The following AGBL4 variants were observed in gnomAD, a reference collection of about 807,000 sequenced individuals.
AGBL4 encodes the protein AGBL carboxypeptidase 4.
AGBL4 carries 58 observed loss-of-function variants against 66.4 expected under a neutral mutation model. The ratio of observed to expected loss-of-function variants is 0.87; its 90% CI spans 0.71 to 1.09. AGBL4 has a LOEUF of 1.09. AGBL4 is among the 50% of genes least tolerant of loss of function. The pLI, the probability that AGBL4 is intolerant of heterozygous loss-of-function variation, is 0.00. For missense variants in AGBL4, 579 were observed against 631.0 expected (o/e 0.92, Z 0.88); for synonymous variants, 234 against 222.9 (o/e 1.05, Z -0.44).
chr1:49,680,742 T>C (rs1008854975), intron 3 of AGBL4, among the ~76,000 whole-genome samples: 1 of 152,076 alleles, frequency 6.6e-6, no homozygotes, highest in Non-Finnish European at 1.5e-5. Context: ...AATCTATAGG[T>C]TTATGTATTT....
At chr1:49,934,779 T>A in intron 1 of AGBL4, among the ~76,000 whole-genome samples, 1 of 132,202 alleles carries the variant, frequency 7.6e-6, no homozygotes. Flanking sequence ...CCAAAGCTGG[T>A]AGAAGAAAGT....
chr1:48,557,666 T>A (rs1348695675), intron 11 of AGBL4, among the ~76,000 whole-genome samples: 2 of 152,204 alleles, frequency 1.3e-5, no homozygotes, highest in Non-Finnish European at 1.5e-5. Flanking sequence ...ATCCGGTTCC[T>A]TTGATAACTG....
intron 3 of AGBL4, among the ~76,000 whole-genome samples, chr1:49,266,546 C>T (rs1321191859): frequency 6.6e-6 from 1 of 151,722 alleles, no homozygotes; most frequent in Admixed American, 6.6e-5. Flanking sequence ...CTGCTATGTG[C>T]TGAGATTATA....
At chr1:49,940,391 C>T (rs1184776746) in intron 1 of AGBL4, among the ~76,000 whole-genome samples, 1 of 152,132 alleles carries the variant, frequency 6.6e-6, no homozygotes, top group African/African-American at 2.4e-5. Context: ...GCTATAAAGA[C>T]ACATGCACAC....
intron 3 of AGBL4, among the ~76,000 whole-genome samples, chr1:49,282,519 C>G (rs1057394778): frequency 1.3e-5 from 2 of 152,136 alleles, no homozygotes; most frequent in African/African-American, 4.8e-5. Flanking sequence ...GGGGAGGACC[C>G]AAGATGGCCG....
chr1:49,058,492 T>C (rs901318448), intron 4 of AGBL4, among the ~76,000 whole-genome samples: 9 of 152,206 alleles, frequency 5.9e-5, no homozygotes, highest in Non-Finnish European at 1.2e-4. Context: ...TTCCCAGTCA[T>C]GTGGAACTGT....
At chr1:48,983,917 G>A (rs953730462) in intron 5 of AGBL4, among the ~76,000 whole-genome samples, 3 of 152,128 alleles carry the variant, frequency 2.0e-5, no homozygotes, top group Admixed American at 6.6e-5. Flanking sequence ...AGCTTAGAAA[G>A]GTCTCTAGGG....
At chr1:49,074,714 C>T (rs867271257) in intron 4 of AGBL4, among the ~76,000 whole-genome samples, 18 of 152,218 alleles carry the variant, frequency 1.2e-4, no homozygotes, top group Middle Eastern at 3.4e-3. Context: ...AGTATTTGAA[C>T]CCAGTTCTGT....
At chr1:49,951,910 T>C (rs754057741) in intron 1 of AGBL4, among the ~76,000 whole-genome samples, 9 of 151,736 alleles carry the variant, frequency 5.9e-5, no homozygotes, top group Non-Finnish European at 1.2e-4. Flanking sequence ...GAGTAGAATG[T>C]ATATGGAAAT....
At chr1:48,830,228 A>T (rs1247832827) in intron 6 of AGBL4, among the ~76,000 whole-genome samples, 1 of 152,220 alleles carries the variant, frequency 6.6e-6, no homozygotes, top group Non-Finnish European at 1.5e-5. Flanking sequence ...GTTAATTAAC[A>T]TTTGTAGAAC....
At chr1:49,770,642 A>T (rs1644028331) in intron 2 of AGBL4, among the ~76,000 whole-genome samples, 1 of 152,126 alleles carries the variant, frequency 6.6e-6, no homozygotes, top group Non-Finnish European at 1.5e-5. Context: ...AGCTATCAAG[A>T]CCTGGACTTT....
intron 3 of AGBL4, among the ~76,000 whole-genome samples, chr1:49,658,881 G>T (rs939147602): frequency 6.6e-6 from 1 of 151,868 alleles, no homozygotes; most frequent in Admixed American, 6.6e-5. Context: ...TGGGGGGAGG[G>T]ATAGCATTAG....
intron 2 of AGBL4, among the ~76,000 whole-genome samples, chr1:49,848,503 TC>T (rs1351490125): frequency 6.6e-6 from 1 of 152,168 alleles, no homozygotes; most frequent in East Asian, 1.9e-4. Flanking sequence ...TTAAATCATA[TC>T]TTTTGCAGCA....
At chr1:49,063,839 G>A (rs1644445437) in intron 4 of AGBL4, among the ~76,000 whole-genome samples, 1 of 152,188 alleles carries the variant, frequency 6.6e-6, no homozygotes, top group Non-Finnish European at 1.5e-5. Flanking sequence ...TGCCATTGAT[G>A]TTTCCCTGTT....
At chr1:48,840,184 T>C (rs898857502) in intron 6 of AGBL4, among the ~76,000 whole-genome samples, 2 of 152,170 alleles carry the variant, frequency 1.3e-5, no homozygotes, top group African/African-American at 4.8e-5. Context: ...TTGGGAACCA[T>C]GGCCAATTAA....
intron 2 of AGBL4, among the ~76,000 whole-genome samples, chr1:49,809,091 ATTACATTTT>A (rs1645038925): frequency 6.6e-6 from 1 of 152,290 alleles, no homozygotes; most frequent in Middle Eastern, 3.4e-3. Context: ...ACTATTAAAT[ATTACATTTT>A]ATTGCAATCG....
chr1:49,782,466 A>T (rs1211853295), intron 2 of AGBL4, among the ~76,000 whole-genome samples: 1 of 152,180 alleles, frequency 6.6e-6, no homozygotes, highest in Non-Finnish European at 1.5e-5. Context: ...GATTGTCTGA[A>T]CATTTCTGTC....
At chr1:49,157,102 T>C (rs1006793437) in intron 4 of AGBL4, among the ~76,000 whole-genome samples, 3 of 152,170 alleles carry the variant, frequency 2.0e-5, no homozygotes, top group Non-Finnish European at 4.4e-5. Flanking sequence ...TTTTTTATTA[T>C]ACTTTAAGTT....
At chr1:49,653,268 AAAC>A (rs1173707769) in intron 3 of AGBL4, among the ~76,000 whole-genome samples, 1 of 152,168 alleles carries the variant, frequency 6.6e-6, no homozygotes, top group Non-Finnish European at 1.5e-5. Context: ...AAGTGCAAAG[AAAC>A]AACAACAACA....
Sources: gnomAD v4.1 joint callset for allele counts (sites outside exome capture counted in the v4.1 genomes callset) on GRCh38, gnomAD v4.1.1 for gene constraint, MANE v1.5 for transcripts, NCBI Gene and HGNC (gene_info 2026-07-23, HGNC 2026-07-21) for gene names.